The following HCN1 variants were observed in gnomAD, a reference collection of about 807,000 sequenced individuals.
The protein encoded by HCN1 is potassium/sodium hyperpolarization-activated cyclic nucleotide-gated channel 1.
Under a neutral mutation model 78.9 loss-of-function variants are expected in HCN1, and 13 were observed. The ratio of observed to expected loss-of-function variants is 0.16; its 90% CI spans 0.11 to 0.26. The LOEUF is 0.26. HCN1 is among the 10% of genes least tolerant of loss of function. The pLI, the probability that HCN1 is intolerant of heterozygous loss-of-function variation, is 1.00. For synonymous variants in HCN1, 552 were observed against 455.5 expected (o/e 1.21, Z -2.70); for missense variants, 810 against 1,154.3 (o/e 0.70, Z 4.32).
intron 1 of HCN1, among the ~76,000 whole-genome samples, chr5:45,682,518 A>G (rs1726121849): frequency 6.6e-6 from 1 of 151,918 alleles, no homozygotes; most frequent in Non-Finnish European, 1.5e-5. Context: ...ACCAAAGTTA[A>G]GCATAATATT....
At chr5:45,544,664 C>A (rs1038588993) in intron 2 of HCN1, among the ~76,000 whole-genome samples, 14 of 146,772 alleles carry the variant, frequency 9.5e-5, no homozygotes, top group African/African-American at 3.5e-4. Flanking sequence ...AGTGTTCTCA[C>A]TGTTCAATTC....
At chr5:45,310,672 C>T (rs1477293976) in intron 5 of HCN1, among the ~76,000 whole-genome samples, 2 of 152,018 alleles carry the variant, frequency 1.3e-5, no homozygotes, top group African/African-American at 4.8e-5. Context: ...CAGGTATAAA[C>T]CCAAAGGAAT....
intron 3 of HCN1, among the ~76,000 whole-genome samples, chr5:45,459,587 G>T (rs966432382): frequency 1.3e-5 from 2 of 151,904 alleles, no homozygotes; most frequent in East Asian, 1.9e-4. Context: ...AGAAAAACAA[G>T]AATTTTTTTC....
chr5:45,519,640 A>G (rs1742576236), intron 2 of HCN1, among the ~76,000 whole-genome samples: 1 of 151,982 alleles, frequency 6.6e-6, no homozygotes, highest in African/African-American at 2.4e-5. Flanking sequence ...TTTAAAAACT[A>G]TTTATTCAAT....
At chr5:45,394,949 T>C (rs1273504924) in intron 4 of HCN1, among the ~76,000 whole-genome samples, 1 of 152,232 alleles carries the variant, frequency 6.6e-6, no homozygotes, top group East Asian at 1.9e-4. Flanking sequence ...TGATTTGAAT[T>C]ATTACAAAAT....
chr5:45,453,842 T>A (rs1470600002), intron 3 of HCN1, among the ~76,000 whole-genome samples: 2 of 152,176 alleles, frequency 1.3e-5, no homozygotes, highest in Non-Finnish European at 2.9e-5. Context: ...AGCAAGGATA[T>A]AACGGAGAAC....
At chr5:45,690,636 T>G (rs1739891898) in intron 1 of HCN1, among the ~76,000 whole-genome samples, 1 of 151,978 alleles carries the variant, frequency 6.6e-6, no homozygotes, top group Non-Finnish European at 1.5e-5. Flanking sequence ...ACAAAGAAAA[T>G]TATTTTTAGA....
intron 2 of HCN1, among the ~76,000 whole-genome samples, chr5:45,606,405 A>G (rs193297639): frequency 2.2e-4 from 34 of 152,158 alleles, no homozygotes; most frequent in African/African-American, 7.5e-4. Flanking sequence ...TGATTTCACA[A>G]TGGTAAACTT....
Position 45,259,342 on chromosome 5 carries a change from C to T in HCN1, c.*2579G>A, listed in dbSNP as rs917252918. On this transcript the variant is annotated 3_prime_UTR_variant, in exon 8 of 8. Coordinates refer to ENST00000303230, the MANE Select transcript of HCN1 (RefSeq NM_021072.4). ...AGACAAAAGAAATACTCTAACTCAT[C>T]CCTGATCATACAGTTGTTGTAAGAA... The T allele has an allele frequency of 6.6e-6, 1 of 152,308 alleles. No individual in the cohort carries two copies. Among genetic ancestry groups the T allele is most frequent in the African/African-American group, 2.4e-5 (1 of 41,388 alleles). 9.4% of individuals were successfully genotyped at this position (152,308 alleles called of 1,614,324 possible).
At chr5:45,684,146 T>G (rs1739758059) in intron 1 of HCN1, among the ~76,000 whole-genome samples, 2 of 152,310 alleles carry the variant, frequency 1.3e-5, no homozygotes, top group South Asian at 2.1e-4. Flanking sequence ...TCTTTGAAAT[T>G]ACAGGCAAAA....
intron 3 of HCN1, among the ~76,000 whole-genome samples, chr5:45,452,739 T>G (rs374265020): frequency 1.3e-5 from 2 of 151,956 alleles, no homozygotes; most frequent in Non-Finnish European, 2.9e-5. Flanking sequence ...TATAAGAATA[T>G]ATGTATAAAA....
chr5:45,400,583 G>A (rs1368435880), intron 3 of HCN1, among the ~76,000 whole-genome samples: 1 of 151,492 alleles, frequency 6.6e-6, no homozygotes, highest in Non-Finnish European at 1.5e-5. Flanking sequence ...TAGAGACGGG[G>A]TTTCACCATG....
intron 3 of HCN1, among the ~76,000 whole-genome samples, chr5:45,404,560 G>T (rs1579872205): frequency 6.7e-6 from 1 of 149,880 alleles, no homozygotes; most frequent in African/African-American, 2.4e-5. Flanking sequence ...AAGTACCTTT[G>T]CTTATTCCAC....
Position 45,262,545 on chromosome 5 carries a change from G to A in HCN1, c.2049C>T (p.Pro683=). The change falls in exon 8 of 8, where the codon CCC becomes CCT. Residue 683 remains proline (P), a synonymous_variant. Coordinates refer to ENST00000303230, the MANE Select transcript of HCN1 (RefSeq NM_021072.4). ...CTGATGGCTGGGGGGTCTGTGTGCT[G>A]GGACTGGGGGAGTGCAGGTTGCTGT... ...LSHSNLHSPS[P]STQTPQPSAI... The A allele has an allele frequency of 5.0e-6, 8 of 1,613,936 alleles. No individual in the cohort carries two copies. Among genetic ancestry groups the A allele is most frequent in the Non-Finnish European group, 6.8e-6 (8 of 1,180,012 alleles).
chr5:45,300,907 C>T (rs575370345), intron 6 of HCN1, among the ~76,000 whole-genome samples: 4 of 152,116 alleles, frequency 2.6e-5, no homozygotes, highest in African/African-American at 9.6e-5. Flanking sequence ...AATGAGACAA[C>T]ACAGAATCAT....
chr5:45,679,324 G>A (rs1189767345), intron 1 of HCN1, among the ~76,000 whole-genome samples: 1 of 152,028 alleles, frequency 6.6e-6, no homozygotes, highest in Non-Finnish European at 1.5e-5. Flanking sequence ...ACCTGGACTA[G>A]CACCTGGCAC....
intron 2 of HCN1, among the ~76,000 whole-genome samples, chr5:45,595,964 A>G (rs1220961932): frequency 1.3e-5 from 2 of 151,604 alleles, no homozygotes; most frequent in Non-Finnish European, 1.5e-5. Flanking sequence ...ATCTAGGCTC[A>G]CTGAAAACTC....
chr5:45,472,771 ATAAAG>A (rs1456747291), intron 2 of HCN1, among the ~76,000 whole-genome samples: 5 of 152,152 alleles, frequency 3.3e-5, no homozygotes, highest in Admixed American at 2.6e-4. Context: ...CATGTCTGTA[ATAAAG>A]TAAATTTATA....
chr5:45,314,275 G>C lies in HCN1; in HGVS notation c.1378-10436C>G, dbSNP rs1745925405. Reference sequence around the variant, plus strand: ...TCCAGCCAAACTAAGCTTCATAAGTGAAGGAGAAATAAAATACTTTACAGA... The same window carrying C: ...TCCAGCCAAACTAAGCTTCATAAGTCAAGGAGAAATAAAATACTTTACAGA... On this transcript the variant is annotated intron_variant, in intron 5 of 7. Transcript: ENST00000303230. Among the ~76,000 whole-genome samples, 5 of 152,170 alleles carry C rather than the reference G, an allele frequency of 3.3e-5. No homozygotes were observed. In the South Asian group the frequency reaches 1.0e-3, roughly 32 times the overall value.
Sources: allele counts gnomAD v4.1 joint callset (sites outside exome capture counted in the v4.1 genomes callset), GRCh38; gene constraint gnomAD v4.1.1; transcripts MANE v1.5; gene names NCBI Gene and HGNC (gene_info 2026-07-23, HGNC 2026-07-21).